TTK: variants seen among roughly 807,000 people sequenced by gnomAD.
TTK encodes TTK protein kinase.
In TTK, 59 loss-of-function variants were observed where a neutral mutation model predicts 117.3. The ratio of observed to expected loss-of-function variants is 0.50; its 90% CI spans 0.41 to 0.62. The LOEUF is 0.62. TTK is among the 20% of genes least tolerant of loss of function. The pLI, the probability that TTK is intolerant of heterozygous loss-of-function variation, is 0.00. For missense variants in TTK, 921 were observed against 989.4 expected, an observed-to-expected ratio of 0.93 and a Z score of 0.93; for synonymous variants, 302 against 325.0, an observed-to-expected ratio of 0.93 and a Z score of 0.76.
At chr6:80,009,273 C>T (rs1322804390) in intron 4 of TTK, among the ~76,000 whole-genome samples, 1 of 151,998 alleles carries the variant, frequency 6.6e-6, no homozygotes, top group Non-Finnish European at 1.5e-5. Flanking sequence ...ATGATGGTTT[C>T]CATAGCAGGG....
At chr6:80,038,201 C>A (rs892511229) in intron 18 of TTK, among the ~76,000 whole-genome samples, 154 bp downstream of exon 18, 2 of 152,144 alleles carry the variant, frequency 1.3e-5, no homozygotes, top group African/African-American at 4.8e-5. Context: ...CCAATTCTTA[C>A]TATTTTTCAC....
chr6:80,006,781 A>T (rs568505943), intron 2 of TTK, among the ~76,000 whole-genome samples: 3 of 152,288 alleles, frequency 2.0e-5, no homozygotes, highest in South Asian at 2.1e-4. Context: ...TTAGGAAAGC[A>T]ATAGGAGGTA....
rs753199840 is a variant in TTK, at chr6:80,008,465, T to C, written c.442T>C (p.Ser148Pro). The C allele has an allele frequency of 1.1e-5, 17 of 1,611,942 alleles. No homozygotes were observed. The highest frequency in any genetic ancestry group is 1.4e-5 in the Non-Finnish European group (17 of 1,178,964). ...NCKKFAFVHI[S>P]FAQFELSQGN... ...CAAGAAATTTGCTTTTGTTCATATA[T>C]CTTTTGCACAATTTGAACTGTCACA... The change falls in exon 4 of 22, where the codon TCT becomes CCT. Residue 148 changes from serine (S) to proline (P), a missense_variant. Transcript: ENST00000369798.
chr6:80,026,653 C>T (rs1767616960), intron 12 of TTK, 139 bp downstream of exon 12: 2 of 1,254,408 alleles, frequency 1.6e-6, no homozygotes, highest in Non-Finnish European at 2.2e-6. Context: ...TTTTCAGCAT[C>T]AGTGTTTTCA....
chr6:80,019,059 C>T (rs1767390835), intron 10 of TTK, among the ~76,000 whole-genome samples: 1 of 152,112 alleles, frequency 6.6e-6, no homozygotes, highest in African/African-American at 2.4e-5. Context: ...AATTTTTTAT[C>T]TCCTTTGTCT....
At chr6:80,037,937 G>A in intron 17 of TTK, 30 bp from the exon 18 acceptor site, 1 of 1,409,186 alleles carries the variant, frequency 7.1e-7, no homozygotes. Context: ...TATTTTCATT[G>A]ATTTGTGTTT....
chr6:80,013,506 G>A, intron 9 of TTK, 140 bp downstream of exon 9: 2 of 650,372 alleles, frequency 3.1e-6, no homozygotes, highest in Non-Finnish European at 5.2e-6. Flanking sequence ...AAGAGCTGTG[G>A]GACTACGAGT....
At chr6:80,016,058 A>G (rs1487382483) in intron 10 of TTK, among the ~76,000 whole-genome samples, 3 of 152,192 alleles carry the variant, frequency 2.0e-5, no homozygotes, top group Admixed American at 2.0e-4. Context: ...CCATGTTTTT[A>G]TGATATATAG....
intron 2 of TTK, 189 bp downstream of exon 2, chr6:80,006,171 A>G (rs938684786): frequency 8.8e-6 from 6 of 678,398 alleles, no homozygotes; most frequent in Non-Finnish European, 1.5e-5. Flanking sequence ...GGTGTCTGGC[A>G]CATGGTAGGT....
At chr6:80,036,953 T>C (rs1467570752) in intron 17 of TTK, among the ~76,000 whole-genome samples, 2 of 152,150 alleles carry the variant, frequency 1.3e-5, no homozygotes, top group African/African-American at 2.4e-5. Flanking sequence ...TTTTTCACTG[T>C]CTATGAGGTA....
At chr6:80,040,921 A>G (rs149296825) in intron 21 of TTK, among the ~76,000 whole-genome samples, 1 of 151,970 alleles carries the variant, frequency 6.6e-6, no homozygotes, top group Non-Finnish European at 1.5e-5. Context: ...GTAGATCATC[A>G]CATAAGGTGC....
At chr6:80,010,707 A>T in intron 4 of TTK, 107 bp from the exon 5 acceptor site, 2 of 1,148,286 alleles carry the variant, frequency 1.7e-6, no homozygotes, top group Non-Finnish European at 2.4e-6. Flanking sequence ...ATTTTTGCTT[A>T]AGTCTTTTTG....
chr6:80,019,672 T>C (rs1366687916), intron 10 of TTK, among the ~76,000 whole-genome samples: 1 of 152,172 alleles, frequency 6.6e-6, no homozygotes, highest in Non-Finnish European at 1.5e-5. Flanking sequence ...GAGTTAAATA[T>C]ATTTTGCCGA....
intron 4 of TTK, among the ~76,000 whole-genome samples, chr6:80,010,318 C>T (rs970972102): frequency 9.2e-5 from 14 of 151,614 alleles, no homozygotes; most frequent in Non-Finnish European, 1.3e-4. Context: ...TGTTTTTCCC[C>T]GAAAATCCTT....
At chr6:80,021,333 A>C (rs1299431114) in intron 10 of TTK, among the ~76,000 whole-genome samples, 1 of 152,194 alleles carries the variant, frequency 6.6e-6, no homozygotes, top group East Asian at 1.9e-4. Flanking sequence ...TGGTAGCCTG[A>C]GTGGGTGAGC....
At chr6:80,028,297 T>TTTTATTTA (rs147216592) in intron 13 of TTK, among the ~76,000 whole-genome samples, 346 of 146,688 alleles carry the variant, frequency 2.4e-3, no homozygotes, top group Non-Finnish European at 3.8e-3. Context: ...TATTTTTTAT[T>TTTTATTTA]TTTATTTATT....
rs757464694 is a variant in TTK, at chr6:80,008,473, A to G, written c.450A>G (p.Ala150=). Residue 150 remains alanine (A), a synonymous_variant, in exon 4 of 22, where the codon GCA becomes GCG. Coordinates refer to ENST00000369798, the MANE Select transcript of TTK (RefSeq NM_003318.5). ...KKFAFVHISF[A]QFELSQGNVK... ...TTGCTTTTGTTCATATATCTTTTGC[A>G]CAATTTGAACTGTCACAAGGTAATC... 1.9e-6 allele frequency: 3 copies of G among 1,611,220 alleles called. No homozygotes were observed. The South Asian group carries it at 3.3e-5, about 18-fold the overall frequency.
chr6:80,042,360 A>G lies in TTK; in HGVS notation c.*158A>G. On this transcript the variant is annotated 3_prime_UTR_variant, in exon 22 of 22. Coordinates refer to ENST00000369798, the MANE Select transcript of TTK (RefSeq NM_003318.5). ...TTATCTTTAAAAGAAAACTGTAAAA[A>G]TAGCAACCACTTATGGCACTGTATA... The G allele has an allele frequency of 2.0e-6, 1 of 503,792 alleles. No homozygotes were observed. The highest frequency in any genetic ancestry group is 3.3e-4 in the Middle Eastern group (1 of 3,068). 31.2% of individuals were successfully genotyped at this position (503,792 alleles called of 1,614,324 possible). A position where few individuals can be genotyped will look rare whatever the true frequency, so the allele number is the denominator to read the frequency against.
At chr6:80,016,162 A>G (rs993577187) in intron 10 of TTK, among the ~76,000 whole-genome samples, 2 of 152,210 alleles carry the variant, frequency 1.3e-5, no homozygotes, top group Non-Finnish European at 2.9e-5. Flanking sequence ...TTTTTGTCTA[A>G]TGAATAATGC....
Sources: gnomAD v4.1 joint callset for allele counts (sites outside exome capture counted in the v4.1 genomes callset) on GRCh38, gnomAD v4.1.1 for gene constraint, MANE v1.5 for transcripts, NCBI Gene and HGNC (gene_info 2026-07-23, HGNC 2026-07-21) for gene names.